PDE1C: variants seen among roughly 807,000 people sequenced by gnomAD.
PDE1C encodes the protein dual specificity calcium/calmodulin-dependent 3',5'-cyclic nucleotide phosphodiesterase 1C.
PDE1C carries 62 observed loss-of-function variants against 93.1 expected under a neutral mutation model. That is an observed-to-expected ratio of 0.67 (90% CI 0.54 to 0.82). The LOEUF (loss-of-function observed/expected upper bound fraction) is 0.82, where lower values mean the gene tolerates loss of function less well. Ranked by LOEUF, PDE1C falls within the 40% of genes least tolerant of loss-of-function variation. PDE1C has a pLI of 0.00. For synonymous variants in PDE1C, 325 were observed against 310.1 expected (o/e 1.05, Z -0.50); for missense variants, 742 against 884.6 (o/e 0.84, Z 2.04).
At chr7:31,882,004 C>T (rs918818100) in intron 2 of PDE1C, among the ~76,000 whole-genome samples, 11 of 152,096 alleles carry the variant, frequency 7.2e-5, no homozygotes, top group African/African-American at 2.7e-4. Context: ...TCAAAATATC[C>T]TCAAATAGGT....
chr7:31,719,399 C>A, the PDE1C span, among the ~76,000 whole-genome samples: 1 of 152,206 alleles, frequency 6.6e-6, no homozygotes, highest in African/African-American at 2.4e-5. Context: ...CTGAGCAAGT[C>A]GACACCTGTT....
intron 1 of PDE1C, among the ~76,000 whole-genome samples, chr7:32,279,355 A>G (rs1811481310): frequency 6.6e-6 from 1 of 152,224 alleles, no homozygotes; most frequent in Admixed American, 6.5e-5. Context: ...GTCAACAGGT[A>G]CAAAGTTGCA....
At chr7:32,123,821 C>G (rs2158688) in intron 3 of PDE1C, among the ~76,000 whole-genome samples, 1 of 152,088 alleles carries the variant, frequency 6.6e-6, no homozygotes, top group African/African-American at 2.4e-5. Flanking sequence ...TCTCTTACCA[C>G]ACCTATTCAA....
chr7:32,297,352 TG>T (rs1372590051), intron 1 of PDE1C, among the ~76,000 whole-genome samples: 2 of 152,090 alleles, frequency 1.3e-5, no homozygotes, highest in Non-Finnish European at 2.9e-5. Flanking sequence ...TCAAAATCTT[TG>T]GGGTTCAGTT....
At chr7:32,076,658 G>A (rs1371689412) in intron 3 of PDE1C, among the ~76,000 whole-genome samples, 67 of 117,618 alleles carry the variant, frequency 5.7e-4, no homozygotes, top group African/African-American at 8.2e-4. Context: ...AAAAAAAAAA[G>A]AAAAAAAGAA....
rs1005851729 is a variant in PDE1C at position 32,356,880 on chromosome 7, G to A, written c.310+70942C>T. Among the ~76,000 whole-genome samples the A allele has an allele frequency of 1.1e-4, 17 of 151,908 alleles. 2 individuals carry two copies. Among genetic ancestry groups the A allele is most frequent in the African/African-American group, 3.4e-4 (14 of 41,326 alleles). On this transcript the variant is annotated intron_variant, in intron 1 of 1. Transcript: ENST00000672256. ...AGCTAAGAGAGTGAAATTCATCCCC[G>A]GGTTTGAAAAGCGAGAGTACAGTGC...
chr7:32,180,290 G>A (rs1294273292), intron 2 of PDE1C, among the ~76,000 whole-genome samples: 1 of 152,142 alleles, frequency 6.6e-6, no homozygotes, highest in Non-Finnish European at 1.5e-5. Flanking sequence ...ATCAGGGGTG[G>A]GGAAAAGGAC....
At chr7:32,020,405 A>AT (rs534053583) in intron 2 of PDE1C, among the ~76,000 whole-genome samples, 1 of 151,924 alleles carries the variant, frequency 6.6e-6, no homozygotes, top group African/African-American at 2.4e-5. Flanking sequence ...AGAAAAAAAA[A>AT]TTTTTTTAAG....
chr7:32,267,550 A>G (rs1810672810), intron 1 of PDE1C, among the ~76,000 whole-genome samples: 1 of 147,912 alleles, frequency 6.8e-6, no homozygotes, highest in South Asian at 2.1e-4. Context: ...ACTACAGAAA[A>G]TGCAGCCTCT....
At chr7:31,951,377 A>T (rs1409099385) in intron 2 of PDE1C, among the ~76,000 whole-genome samples, 1 of 152,226 alleles carries the variant, frequency 6.6e-6, no homozygotes, top group African/African-American at 2.4e-5. Context: ...CAAACCTATC[A>T]CGGCATGCCT....
intron 2 of PDE1C, among the ~76,000 whole-genome samples, chr7:32,039,832 C>G (rs1164542955): frequency 6.6e-6 from 1 of 152,122 alleles, no homozygotes; most frequent in Non-Finnish European, 1.5e-5. Flanking sequence ...TTATTGCCTC[C>G]TAGGTAACAA....
intron 2 of PDE1C, among the ~76,000 whole-genome samples, chr7:32,194,251 T>C (rs1804452547): frequency 6.6e-6 from 1 of 152,198 alleles, no homozygotes; most frequent in Non-Finnish European, 1.5e-5. Flanking sequence ...ATCTAAGTCA[T>C]CAAATATATC....
intron 3 of PDE1C, among the ~76,000 whole-genome samples, chr7:32,140,976 T>C (rs32317): frequency 0.69 from 104,259 of 152,172 alleles, 36,435 homozygotes; most frequent in Middle Eastern, 0.81. Context: ...TAAAAATTTC[T>C]AAGACTCCTC....
At chr7:32,057,259 G>A (rs1426087445) in intron 1 of PDE1C, among the ~76,000 whole-genome samples, 1 of 152,162 alleles carries the variant, frequency 6.6e-6, no homozygotes, top group Non-Finnish European at 1.5e-5. Flanking sequence ...ATGTGCTATG[G>A]CTAGAATTAT....
At chr7:32,029,166 G>C (rs373102948) in intron 2 of PDE1C, among the ~76,000 whole-genome samples, 1 of 151,986 alleles carries the variant, frequency 6.6e-6, no homozygotes, top group East Asian at 1.9e-4. Flanking sequence ...AATTATTAGG[G>C]AAATGCAAAA....
intron 7 of PDE1C, among the ~76,000 whole-genome samples, chr7:31,853,544 T>A (rs1055240051): frequency 6.6e-6 from 1 of 152,004 alleles, no homozygotes; most frequent in African/African-American, 2.4e-5. Flanking sequence ...CCCTATGAGG[T>A]CAGGCATTAG....
intron 2 of PDE1C, among the ~76,000 whole-genome samples, chr7:31,965,893 C>G (rs1161646554): frequency 6.6e-6 from 1 of 152,172 alleles, no homozygotes; most frequent in East Asian, 1.9e-4. Flanking sequence ...AAATACTTTA[C>G]AGACAAGCAA....
chr7:31,848,113 G>A lies in PDE1C; in HGVS notation c.852-17C>T, dbSNP rs776942589. On this transcript the variant is annotated splice_polypyrimidine_tract_variant and intron_variant, in intron 8 of 17. Transcript: ENST00000396191. ...GGATCAGACCTGAACAGAAAGCCAAGCAAAATTCAGAATGTTAAACAGTTG... is the reference window on the plus strand; with the variant it reads ...GGATCAGACCTGAACAGAAAGCCAAACAAAATTCAGAATGTTAAACAGTTG... The A allele has an allele frequency of 1.7e-5, 27 of 1,609,786 alleles. No homozygotes were observed. The African/African-American group carries it at 3.2e-4, about 19-fold the overall frequency.
chr7:32,374,522 A>C (rs1784403078), intron 1 of PDE1C, among the ~76,000 whole-genome samples: 1 of 152,210 alleles, frequency 6.6e-6, no homozygotes, highest in Non-Finnish European at 1.5e-5. Flanking sequence ...GAGGTAGTCT[A>C]AGTCTTCCAG....
Sources: gnomAD v4.1 joint callset for allele counts (sites outside exome capture counted in the v4.1 genomes callset) on GRCh38, gnomAD v4.1.1 for gene constraint, MANE v1.5 for transcripts, NCBI Gene and HGNC (gene_info 2026-07-23, HGNC 2026-07-21) for gene names.